The following HERC1 variants were observed in gnomAD, a reference collection of about 807,000 sequenced individuals.
HERC1 encodes the protein probable E3 ubiquitin-protein ligase HERC1.
In HERC1, 160 loss-of-function variants were observed where a neutral mutation model predicts 554.3. That is an observed-to-expected ratio of 0.29 (90% CI 0.25 to 0.33). The LOEUF is 0.33. HERC1 is among the 10% of genes least tolerant of loss of function. The pLI is 1.00. For synonymous variants in HERC1, 2,175 were observed against 2,131.7 expected, an observed-to-expected ratio of 1.02 and a Z score of -0.56; for missense variants, 4,919 against 5,918.5, an observed-to-expected ratio of 0.83 and a Z score of 5.54.
Position 63,733,018 on chromosome 15 carries a change from G to A in HERC1, c.2774C>T (p.Ser925Leu). ...GCTCTGAGTGCCGTAAGGTTGATCT[G>A]ACAGATTTCCGTAGCCAGTACACAC... The part of the protein sequence containing the change: ...SSVCTGYGNL[S>L]DQPYGTQSCH... Residue 925 changes from serine to leucine, a missense_variant, in exon 14 of 78, where the codon TCA (serine) becomes TTA (leucine). Coordinates refer to ENST00000443617, the MANE Select transcript of HERC1 (RefSeq NM_003922.4). 6.2e-7 allele frequency: 1 copy of A among 1,613,968 alleles called. No individual in the cohort carries two copies.
chr15:63,688,390 T>C (rs1200795845), intron 33 of HERC1, among the ~76,000 whole-genome samples: 1 of 152,178 alleles, frequency 6.6e-6, no homozygotes, highest in Non-Finnish European at 1.5e-5. Flanking sequence ...GAGTATGAGA[T>C]GCCTATTAGA....
At chr15:63,829,336 T>A (rs74364295) in intron 1 of HERC1, among the ~76,000 whole-genome samples, 1 of 151,444 alleles carries the variant, frequency 6.6e-6, no homozygotes, top group African/African-American at 2.4e-5. Flanking sequence ...GGTGGAAGGA[T>A]GGCTTAAGCC....
chr15:63,734,213 T>C lies in HERC1; in HGVS notation c.2646+511A>G, dbSNP rs2074409762. Among the ~76,000 whole-genome samples the C allele has an allele frequency of 1.3e-5, 2 of 152,136 alleles. No individual in the cohort carries two copies. Among genetic ancestry groups the C allele is most frequent in the African/African-American group, 4.8e-5 (2 of 41,428 alleles). ...AGAAAAGTATCAGTAAATATTACAC[T>C]GCAAATAAGTACCAATTTTTTTTCC... On this transcript the variant is annotated intron_variant, in intron 13 of 77. Transcript: ENST00000443617. This position sits in a 1 kb window ranked among gnomAD's most constrained non-coding sequence, Gnocchi z 4.6.
chr15:63,715,928 T>A (rs561339656), intron 22 of HERC1, among the ~76,000 whole-genome samples: 1 of 152,296 alleles, frequency 6.6e-6, no homozygotes, highest in South Asian at 2.1e-4. Flanking sequence ...CTAATAGGCA[T>A]AGAAAGGGGC....
intron 22 of HERC1, among the ~76,000 whole-genome samples, chr15:63,716,043 T>C (rs1463832690): frequency 6.6e-6 from 1 of 152,214 alleles, no homozygotes; most frequent in East Asian, 1.9e-4. Context: ...TTTCATTTCA[T>C]GATGAGGCTC....
intron 37 of HERC1, among the ~76,000 whole-genome samples, chr15:63,675,433 A>G (rs1044254185): frequency 1.3e-5 from 2 of 152,252 alleles, no homozygotes; most frequent in African/African-American, 4.8e-5. Flanking sequence ...CAGGGCACAC[A>G]GTCTCAGCTG....
chr15:63,819,737 T>C (rs754416212), intron 1 of HERC1, among the ~76,000 whole-genome samples: 2 of 152,170 alleles, frequency 1.3e-5, no homozygotes, highest in Non-Finnish European at 2.9e-5. Flanking sequence ...AATACTTGGA[T>C]GGGGTTTTCT....
rs763433386 is a variant in HERC1, at chr15:63,656,274, T to C, written c.9684A>G (p.Ala3228=). 1.9e-6 allele frequency: 3 copies of C among 1,614,004 alleles called. No individual in the cohort carries two copies. The highest frequency in any genetic ancestry group is 3.3e-5 in the Admixed American group (2 of 60,028). Residue 3228 remains alanine, a synonymous_variant, in exon 49 of 78, where the codon GCA becomes GCG. Transcript: ENST00000443617. ...TGGAGAGGCCAGCTCTCCCTGCTGCTGCCAAGCACATTAATCGAACTAGCG... is the reference window on the plus strand; with the variant it reads ...TGGAGAGGCCAGCTCTCCCTGCTGCCGCCAAGCACATTAATCGAACTAGCG... ...IRTLVRLMCL[A]AAGRAGLSTS...
intron 69 of HERC1, among the ~76,000 whole-genome samples, chr15:63,629,542 G>A (rs1227828133): frequency 1.3e-5 from 2 of 152,124 alleles, no homozygotes; most frequent in Non-Finnish European, 2.9e-5. Flanking sequence ...CTATACTTAG[G>A]GTCTGACTGG....
chr15:63,807,673 T>C (rs2077175938), intron 1 of HERC1, among the ~76,000 whole-genome samples: 1 of 152,080 alleles, frequency 6.6e-6, no homozygotes, highest in South Asian at 2.1e-4. Context: ...CAATCAACTG[T>C]CCCCACCAAC....
Position 63,609,234 on chromosome 15 carries a change from G to A in HERC1, c.14433C>T (p.Cys4811=). 1 of 1,613,432 alleles carries A rather than the reference G, an allele frequency of 6.2e-7. No homozygotes were observed. Among genetic ancestry groups the A allele is most frequent in the Non-Finnish European group, 8.5e-7 (1 of 1,179,716 alleles). Residue 4811 remains cysteine, a synonymous_variant, in exon 78 of 78, where the codon TGC becomes TGT. Transcript: ENST00000443617. ...ACGGGGGCAGCCTCAGCTGGAAGAA[G>A]CAGGTCTGTGAGGTAGGCAGACTGT... ...PYDSLPTSQT[C]FFQLRLPPYS...
chr15:63,797,970 A>G (rs2076862360), intron 1 of HERC1, among the ~76,000 whole-genome samples: 1 of 152,208 alleles, frequency 6.6e-6, no homozygotes, highest in Non-Finnish European at 1.5e-5. Flanking sequence ...TCACTGCCCC[A>G]TAATATCACT....
At chr15:63,786,280 A>T (rs959960409) in intron 1 of HERC1, among the ~76,000 whole-genome samples, 22 of 150,806 alleles carry the variant, frequency 1.5e-4, no homozygotes, top group Non-Finnish European at 2.4e-4. Context: ...TTCTATTAAA[A>T]AAAAAAAAAA....
chr15:63,748,388 T>C (rs2075131736), intron 10 of HERC1, among the ~76,000 whole-genome samples: 2 of 152,116 alleles, frequency 1.3e-5, no homozygotes, highest in Admixed American at 6.5e-5. Flanking sequence ...ACCACCTGTT[T>C]TGGAAGGTTT....
intron 17 of HERC1, among the ~76,000 whole-genome samples, chr15:63,726,068 G>A (rs1242397916): frequency 2.6e-5 from 4 of 152,040 alleles, no homozygotes; most frequent in African/African-American, 9.7e-5. Flanking sequence ...TGAAACCTCT[G>A]CCTCCCAGGT....
Position 63,658,721 on chromosome 15 carries a change from G to GA in HERC1, c.9425-4dup. 1 of 1,603,810 alleles carries GA rather than the reference G, an allele frequency of 6.2e-7. No individual in the cohort carries two copies. The highest frequency in any genetic ancestry group is 8.5e-7 in the Non-Finnish European group (1 of 1,174,278). On this transcript the variant is annotated splice_polypyrimidine_tract_variant and splice_region_variant and intron_variant, in intron 47 of 77. Coordinates refer to ENST00000443617, the MANE Select transcript of HERC1 (RefSeq NM_003922.4). ...CTTTTCTACGGAGCCATGGCAACCT[G>GA]AAAAACATAATTCTGTTTTGTTCTC...
intron 54 of HERC1, among the ~76,000 whole-genome samples, chr15:63,649,190 T>C (rs2069528924): frequency 6.6e-6 from 1 of 152,092 alleles, no homozygotes; most frequent in African/African-American, 2.4e-5. Flanking sequence ...CTGTCTCTAC[T>C]AAAAATACAA....
intron 27 of HERC1, among the ~76,000 whole-genome samples, chr15:63,695,864 G>A (rs984882421): frequency 1.3e-5 from 2 of 152,066 alleles, no homozygotes; most frequent in African/African-American, 4.8e-5. Flanking sequence ...ATCCTTACTT[G>A]GATCTATTCC....
Position 63,692,122 on chromosome 15 carries a change from G to A in HERC1, c.5830+289C>T, listed in dbSNP as rs577678585. 3.5e-4 allele frequency among the ~76,000 whole-genome samples: 54 copies of A among 152,142 alleles called. No homozygotes were observed. Among genetic ancestry groups the A allele is most frequent in the Non-Finnish European group, 5.9e-4 (40 of 68,032 alleles). ...AGGTCGGAATCTGTGCTAAAATATC[G>A]TATTAAACAGGATGTTCTCTGCTTA... is the stretch of plus-strand genomic sequence containing the variant. On this transcript the variant is annotated intron_variant, in intron 31 of 77. Coordinates refer to ENST00000443617, the MANE Select transcript of HERC1 (RefSeq NM_003922.4). The surrounding 1 kb of genome is among the most constrained non-coding windows in gnomAD (Gnocchi z 4.7).
Sources: gnomAD v4.1 joint callset for allele counts (sites outside exome capture counted in the v4.1 genomes callset) on GRCh38, gnomAD v4.1.1 for gene constraint, Gnocchi (gnomAD v3.1) non-coding constraint, MANE v1.5 for transcripts, NCBI Gene and HGNC (gene_info 2026-07-23, HGNC 2026-07-21) for gene names.